The following RGS20 variants were observed in gnomAD, a reference collection of about 807,000 sequenced individuals.
RGS20 encodes regulator of G protein signaling 20, also known as gz-selective GTPase-activating protein.
Under a neutral mutation model 33.6 loss-of-function variants are expected in RGS20, and 30 were observed. The ratio of observed to expected loss-of-function variants is 0.89; its 90% CI spans 0.67 to 1.21. RGS20 has a LOEUF of 1.21. Ranked by LOEUF, RGS20 falls within the 50% of genes most tolerant of loss-of-function variation. The probability of loss-of-function intolerance (pLI) is 0.00; values close to 1 mark genes in which losing one functional copy is unlikely to be tolerated. For synonymous variants in RGS20, 208 were observed against 197.9 expected, an observed-to-expected ratio of 1.05 and a Z score of -0.43; for missense variants, 472 against 502.4, an observed-to-expected ratio of 0.94 and a Z score of 0.58.
intron 1 of RGS20, among the ~76,000 whole-genome samples, chr8:53,860,889 C>A (rs1305017596): frequency 6.6e-6 from 1 of 152,018 alleles, no homozygotes; most frequent in African/African-American, 2.4e-5. Flanking sequence ...ATTGCCTGAA[C>A]CCAGGAGGCA....
chr8:53,857,901 A>G (rs1051209771), intron 1 of RGS20, among the ~76,000 whole-genome samples: 1 of 151,248 alleles, frequency 6.6e-6, no homozygotes, highest in Non-Finnish European at 1.5e-5. Flanking sequence ...TCTCATCACA[A>G]AAAAAAAATA....
intron 2 of RGS20, among the ~76,000 whole-genome samples, chr8:53,909,209 GTATATATATATA>G (rs1178436696): frequency 3.3e-3 from 143 of 43,738 alleles, no homozygotes; most frequent in South Asian, 7.5e-3. Flanking sequence ...TGGTATGTGT[GTATATATATATA>G]TATATATATA....
intron 1 of RGS20, among the ~76,000 whole-genome samples, chr8:53,856,179 C>T (rs919881347): frequency 2.6e-5 from 4 of 152,026 alleles, no homozygotes; most frequent in African/African-American, 9.7e-5. Flanking sequence ...CATACACTCA[C>T]ACACTTGTCT....
At chr8:53,866,087 G>A (rs1353047933) in intron 1 of RGS20, among the ~76,000 whole-genome samples, 2 of 152,178 alleles carry the variant, frequency 1.3e-5, no homozygotes, top group Non-Finnish European at 2.9e-5. Context: ...TAGGAGAGGA[G>A]ATTGCCCTGG....
rs1201218871 is a variant in RGS20 at position 53,958,371 on chromosome 8, GCA to G, written c.1083_1084del (p.His361GlnfsTer14). ...CTCAACTTCAGATTTACACCCTGAT[GCA>G]CAGAGACTCATATCCTCGATTCATG... On this transcript the variant is annotated frameshift_variant, in exon 6 of 6. Transcript: ENST00000297313. LOFTEE classifies it high-confidence loss of function. 3.1e-6 allele frequency: 5 copies of G among 1,613,792 alleles called. No homozygotes were observed. The South Asian group carries it at 5.5e-5, about 18-fold the overall frequency.
In RGS20 at chr8:53,939,569, C is replaced by G. The variant is rs1328077615; in HGVS notation, c.511-7C>G. ...TCCCGCCCGCTTTGTTCCTCTCCCT[C>G]TTGCAGCAGATGGGATCAGAGCGGA... On this transcript the variant is annotated splice_region_variant and splice_polypyrimidine_tract_variant and intron_variant, in intron 2 of 5. Transcript: ENST00000297313. The G allele has an allele frequency of 6.5e-7, 1 of 1,542,308 alleles. No individual in the cohort carries two copies. Among genetic ancestry groups the G allele is most frequent in the Non-Finnish European group, 8.8e-7 (1 of 1,142,114 alleles).
chr8:53,859,497 T>A (rs1473814016), intron 1 of RGS20, among the ~76,000 whole-genome samples: 2 of 152,190 alleles, frequency 1.3e-5, no homozygotes, highest in Non-Finnish European at 2.9e-5. Flanking sequence ...CATAAAATCA[T>A]GTTGGCTTCC....
chr8:53,939,673 G>A lies in RGS20; in HGVS notation c.608G>A (p.Arg203His), dbSNP rs1201058709. Residue 203 changes from arginine to histidine, a missense_variant, in exon 3 of 6, where the codon CGC (arginine) becomes CAC (histidine). This residue lies in a region of RGS20 where 319 missense variants were observed against 283.4 expected (regional missense o/e 1.13). Coordinates refer to ENST00000297313, the MANE Select transcript of RGS20 (RefSeq NM_170587.4). ...CCAGGCCAGCCCGGAGCGGGGAGTC[G>A]CGGGTCCAACGCATGCTGCTTCTGC... 3 of 1,578,908 alleles carry A rather than the reference G, an allele frequency of 1.9e-6. No homozygotes were observed. The highest frequency in any genetic ancestry group is 2.3e-5 in the East Asian group (1 of 43,682).
At chr8:53,856,998 G>A (rs985758792) in intron 1 of RGS20, among the ~76,000 whole-genome samples, 1 of 152,206 alleles carries the variant, frequency 6.6e-6, no homozygotes, top group South Asian at 2.1e-4. Context: ...CTTAGTAAGA[G>A]AGCAAGTACG....
At chr8:53,909,473 A>T (rs1585911165) in intron 2 of RGS20, among the ~76,000 whole-genome samples, 1 of 151,038 alleles carries the variant, frequency 6.6e-6, no homozygotes, top group Non-Finnish European at 1.5e-5. Context: ...CTGGTCTCAA[A>T]CTCCTAGGCT....
intron 2 of RGS20, among the ~76,000 whole-genome samples, chr8:53,935,164 A>C (rs1814093471): frequency 6.6e-6 from 1 of 152,210 alleles, no homozygotes; most frequent in Non-Finnish European, 1.5e-5. Context: ...AGCAGGAAAA[A>C]TCTAGAATTG....
intron 2 of RGS20, chr8:53,879,846 T>A: frequency 4.7e-6 from 2 of 424,772 alleles, no homozygotes; most frequent in East Asian, 3.7e-5. Context: ...TTCCTTTCCA[T>A]GGTCCAAGAA....
rs545572647 is a variant in RGS20, at chr8:53,929,335, T to C, written c.511-10241T>C. Among the ~76,000 whole-genome samples, 3 of 152,318 alleles carry C rather than the reference T, an allele frequency of 2.0e-5. No individual in the cohort carries two copies. In the South Asian group the frequency reaches 6.2e-4, roughly 32 times the overall value. On this transcript the variant is annotated intron_variant, in intron 2 of 5. Coordinates refer to ENST00000297313, the MANE Select transcript of RGS20 (RefSeq NM_170587.4). ...TGTTAGACCTCAATAAAGCTGTTTT[T>C]AAAAATGTATACAATTCCAGAGCTC...
chr8:53,885,617 A>T (rs1406638844), intron 2 of RGS20, among the ~76,000 whole-genome samples: 1 of 152,098 alleles, frequency 6.6e-6, no homozygotes, highest in Admixed American at 6.5e-5. Flanking sequence ...CCGTCTCAAA[A>T]AAAAAAATGA....
intron 3 of RGS20, among the ~76,000 whole-genome samples, chr8:53,940,604 G>A (rs1303183041): frequency 2.6e-5 from 4 of 152,196 alleles, no homozygotes; most frequent in African/African-American, 7.2e-5. Context: ...TGAAATGCCC[G>A]GGGAAGTTTG....
chr8:53,922,555 T>A (rs1182090400), intron 2 of RGS20, among the ~76,000 whole-genome samples: 1 of 152,224 alleles, frequency 6.6e-6, no homozygotes, highest in East Asian at 1.9e-4. Flanking sequence ...ACTTTCTATA[T>A]ATTTCATGAC....
chr8:53,939,944 C>G (rs1301607654), intron 3 of RGS20, among the ~76,000 whole-genome samples: 2 of 152,200 alleles, frequency 1.3e-5, no homozygotes, highest in African/African-American at 4.8e-5. Flanking sequence ...TCCCTCAAAT[C>G]AGGCCAACGT....
intron 4 of RGS20, among the ~76,000 whole-genome samples, chr8:53,952,508 C>T (rs1814740487): frequency 6.6e-6 from 1 of 151,340 alleles, no homozygotes; most frequent in Non-Finnish European, 1.5e-5. Flanking sequence ...GGTGGATCAC[C>T]TGAGGTCAGG....
chr8:53,939,650 A>G lies in RGS20; in HGVS notation c.585A>G (p.Pro195=). 6.3e-7 allele frequency: 1 copy of G among 1,596,378 alleles called. No homozygotes were observed. Among genetic ancestry groups the G allele is most frequent in the Non-Finnish European group, 8.5e-7 (1 of 1,172,434 alleles). Reference sequence around the variant, plus strand: ...CCCAGGACACACCAGGCGCCGCCCCAGGCCAGCCCGGAGCGGGGAGTCGCG... The same window carrying G: ...CCCAGGACACACCAGGCGCCGCCCCGGGCCAGCCCGGAGCGGGGAGTCGCG... The change falls in exon 3 of 6, where the codon CCA becomes CCG. Residue 195 remains proline (P), a synonymous_variant. Transcript: ENST00000297313.
Sources: gnomAD v4.1 joint callset for allele counts (sites outside exome capture counted in the v4.1 genomes callset) on GRCh38, gnomAD v4.1.1 for gene constraint, gnomAD v4.1.1 regional missense constraint, MANE v1.5 for transcripts, NCBI Gene and HGNC (gene_info 2026-07-23, HGNC 2026-07-21) for gene names.